RGS12: variants seen among roughly 807,000 people sequenced by gnomAD.
RGS12 encodes regulator of G-protein signaling 12.
Under a neutral mutation model 120.1 loss-of-function variants are expected in RGS12, and 66 were observed. The observed-to-expected ratio is 0.55, with a 90% CI of 0.45 to 0.67. RGS12 has a LOEUF of 0.67. RGS12 is among the 30% of genes least tolerant of loss of function. RGS12 has a pLI of 0.00. For synonymous variants in RGS12, 827 were observed against 804.7 expected, an observed-to-expected ratio of 1.03 and a Z score of -0.47; for missense variants, 1,859 against 1,957.7, an observed-to-expected ratio of 0.95 and a Z score of 0.95.
chr4:3,340,996 A>G (rs893231278), intron 2 of RGS12, among the ~76,000 whole-genome samples: 1 of 151,720 alleles, frequency 6.6e-6, no homozygotes, highest in Admixed American at 6.6e-5. Context: ...TCTGCTGGGC[A>G]TCGCCACTTT....
At chr4:3,368,913 T>C (rs894259618) in intron 3 of RGS12, among the ~76,000 whole-genome samples, 1 of 152,086 alleles carries the variant, frequency 6.6e-6, no homozygotes, top group African/African-American at 2.4e-5. Context: ...TCGTACCTAA[T>C]GTAGACCCTC....
chr4:3,353,000 C>T (rs1714510659), intron 3 of RGS12, among the ~76,000 whole-genome samples: 1 of 152,206 alleles, frequency 6.6e-6, no homozygotes, highest in African/African-American at 2.4e-5. Context: ...TAAAACTTTG[C>T]CGATGGGGCA....
At chr4:3,293,561 C>T (rs1012255929) in intron 1 of RGS12, among the ~76,000 whole-genome samples, 2 of 152,184 alleles carry the variant, frequency 1.3e-5, no homozygotes, top group African/African-American at 4.8e-5. Flanking sequence ...GACCCGAACT[C>T]CAGACGCACT....
intron 2 of RGS12, among the ~76,000 whole-genome samples, chr4:3,336,004 A>G (rs1712418010): frequency 6.6e-6 from 1 of 152,184 alleles, no homozygotes; most frequent in Non-Finnish European, 1.5e-5. Context: ...AGGCAGGAGA[A>G]TTGCTTGAAT....
intron 3 of RGS12, among the ~76,000 whole-genome samples, chr4:3,371,650 G>A (rs987815676): frequency 6.6e-6 from 1 of 152,120 alleles, no homozygotes; most frequent in African/African-American, 2.4e-5. Flanking sequence ...TCCCCCTCTC[G>A]CAGTCAGAGG....
rs193014999 is a variant in RGS12 at position 3,336,093 on chromosome 4, A to G, written c.1882-6844A>G. 7.9e-5 allele frequency among the ~76,000 whole-genome samples: 12 copies of G among 152,280 alleles called. No homozygotes were observed. In the East Asian group the frequency reaches 2.1e-3, roughly 27 times the overall value. On this transcript the variant is annotated intron_variant, in intron 2 of 17. Coordinates refer to ENST00000336727, the MANE Select transcript of RGS12 (RefSeq NM_001394154.1). ...GGTGACAGAGTGAAACGCTGTCTCA[A>G]CAAACAAGCAGGCAAACAAACAAAC...
intron 10 of RGS12, among the ~76,000 whole-genome samples, chr4:3,421,854 C>T (rs1000080970): frequency 6.6e-6 from 1 of 152,250 alleles, no homozygotes; most frequent in African/African-American, 2.4e-5. Context: ...TGGTTGGGAA[C>T]CACTTGTGCA....
chr4:3,425,048 G>A (rs548153921), intron 13 of RGS12, among the ~76,000 whole-genome samples: 46 of 152,362 alleles, frequency 3.0e-4, no homozygotes, highest in East Asian at 1.9e-3. Flanking sequence ...ACTCCAGCCC[G>A]GTGGCTAGTG....
chr4:3,367,358 C>T (rs1420983340), intron 3 of RGS12, among the ~76,000 whole-genome samples: 1 of 152,262 alleles, frequency 6.6e-6, no homozygotes, highest in African/African-American at 2.4e-5. Flanking sequence ...CCTGGTGAGG[C>T]GGTGCCTGTG....
intron 3 of RGS12, among the ~76,000 whole-genome samples, chr4:3,355,050 C>T (rs1253819719): frequency 1.3e-5 from 2 of 152,074 alleles, no homozygotes; most frequent in Non-Finnish European, 2.9e-5. Context: ...TGTGAGAATC[C>T]TAAACAAAAC....
chr4:3,356,734 T>C (rs1310442983), intron 3 of RGS12, among the ~76,000 whole-genome samples: 1 of 152,214 alleles, frequency 6.6e-6, no homozygotes, highest in Admixed American at 6.5e-5. Flanking sequence ...TCCTTCCTTT[T>C]TAAGGCTGAA....
In RGS12 at chr4:3,420,492, C is replaced by T. The variant is rs548507860; in HGVS notation, c.2762-150C>T. ...GAAGACACATGTGACTCGTCTCCACCAGAGACGGCAAAGTGATGCCTGGTG... is the reference window on the plus strand; with the variant it reads ...GAAGACACATGTGACTCGTCTCCACTAGAGACGGCAAAGTGATGCCTGGTG... On this transcript the variant is annotated intron_variant, in intron 9 of 17. Coordinates refer to ENST00000336727, the MANE Select transcript of RGS12 (RefSeq NM_001394154.1). 6.9e-4 allele frequency: 500 copies of T among 729,408 alleles called. 1 individual carries two copies. The African/African-American group carries it at 9.1e-3, about 13-fold the overall frequency. The allele number at this position is 729,408 out of a possible 1,614,324, so 45.2% of individuals were successfully genotyped here. A position where few individuals can be genotyped will look rare whatever the true frequency, so the allele number is the denominator to read the frequency against.
At chr4:3,406,250 G>T (rs1167245900) in intron 4 of RGS12, among the ~76,000 whole-genome samples, 1 of 152,228 alleles carries the variant, frequency 6.6e-6, no homozygotes. Context: ...TGCCTGGGCC[G>T]CCCTGTGAAT....
At chr4:3,353,002 G>A (rs912047305) in intron 3 of RGS12, among the ~76,000 whole-genome samples, 7 of 152,206 alleles carry the variant, frequency 4.6e-5, no homozygotes, top group East Asian at 1.9e-4. Context: ...AAACTTTGCC[G>A]ATGGGGCAGG....
intron 4 of RGS12, among the ~76,000 whole-genome samples, chr4:3,404,346 C>T (rs1054561300): frequency 6.6e-6 from 1 of 152,222 alleles, no homozygotes; most frequent in African/African-American, 2.4e-5. Flanking sequence ...GTAGTGACTG[C>T]ATGGTAGGTA....
intron 3 of RGS12, among the ~76,000 whole-genome samples, chr4:3,373,837 C>CT (rs1331434814): frequency 6.6e-6 from 1 of 152,256 alleles, no homozygotes; most frequent in Non-Finnish European, 1.5e-5. Flanking sequence ...TTCTGACACT[C>CT]TGAGTCTCGT....
intron 3 of RGS12, among the ~76,000 whole-genome samples, chr4:3,361,571 C>T (rs1715566183): frequency 6.6e-6 from 1 of 152,072 alleles, no homozygotes; most frequent in Admixed American, 6.5e-5. Context: ...GGCCTGTGAG[C>T]CGGGTGGGAT....
In RGS12 at chr4:3,366,967, C is replaced by G. The variant is rs1212958337; in HGVS notation, c.1999-19449C>G. Among the ~76,000 whole-genome samples the G allele has an allele frequency of 6.6e-6, 1 of 152,228 alleles. No homozygotes were observed. The highest frequency in any genetic ancestry group is 1.5e-5 in the Non-Finnish European group (1 of 68,024). On this transcript the variant is annotated intron_variant, in intron 3 of 17. Transcript: ENST00000336727. The surrounding 1 kb of genome is among the most constrained non-coding windows in gnomAD (Gnocchi z 4.0). The stretch of plus-strand genomic sequence containing the variant: ...CACCTCTGCCCGGCTCAGCTCCTCC[C>G]CGCCCAGAATGCCCTCTGCCCCGCC...
chr4:3,310,517 C>T (rs1394712939), intron 1 of RGS12, among the ~76,000 whole-genome samples: 3 of 152,194 alleles, frequency 2.0e-5, no homozygotes, highest in South Asian at 2.1e-4. Flanking sequence ...GTGTCCAGGG[C>T]GGGCAGGTCC....
Sources: gnomAD v4.1 joint callset for allele counts (sites outside exome capture counted in the v4.1 genomes callset) on GRCh38, gnomAD v4.1.1 for gene constraint, Gnocchi (gnomAD v3.1) non-coding constraint, MANE v1.5 for transcripts, NCBI Gene and HGNC (gene_info 2026-07-23, HGNC 2026-07-21) for gene names.